OR9Q1: variants seen among roughly 807,000 people sequenced by gnomAD.
OR9Q1 encodes olfactory receptor family 9 subfamily Q member 1.
For missense variants in OR9Q1, 374 were observed against 378.8 expected, an observed-to-expected ratio of 0.99 and a Z score of 0.11; for synonymous variants, 153 against 148.6, an observed-to-expected ratio of 1.03 and a Z score of -0.22.
At chr11:58,076,854 G>A (rs1248139872) in intron 2 of OR9Q1, among the ~76,000 whole-genome samples, 1 of 152,094 alleles carries the variant, frequency 6.6e-6, no homozygotes, top group Non-Finnish European at 1.5e-5. Flanking sequence ...TTACTAAACT[G>A]ACTTTTTCAC....
intron 2 of OR9Q1, among the ~76,000 whole-genome samples, chr11:58,177,588 C>G (rs1045927562): frequency 6.6e-6 from 1 of 152,116 alleles, no homozygotes; most frequent in Non-Finnish European, 1.5e-5. Flanking sequence ...ATGAAGGTAA[C>G]AGCTTTCTGC....
chr11:58,090,512 A>T (rs938909661), intron 2 of OR9Q1, among the ~76,000 whole-genome samples: 1 of 152,160 alleles, frequency 6.6e-6, no homozygotes, highest in Non-Finnish European at 1.5e-5. Flanking sequence ...ATCGTGGTGG[A>T]TAAGCTTTTT....
At chr11:58,118,859 C>T (rs59849756) in intron 2 of OR9Q1, 30 of 1,613,938 alleles carry the variant, frequency 1.9e-5, no homozygotes, top group South Asian at 3.3e-5. Flanking sequence ...ATGACAATCT[C>T]GATGTTTGCT....
Position 58,163,048 on chromosome 11 carries a change from G to A in OR9Q1, c.-14-16383G>A, listed in dbSNP as rs75927863. Among the ~76,000 whole-genome samples, 584 of 152,290 alleles carry A rather than the reference G, an allele frequency of 3.8e-3. 5 individuals are homozygous for A. The highest frequency in any genetic ancestry group is 0.012 in the African/African-American group (499 of 41,554). On this transcript the variant is annotated intron_variant, in intron 2 of 2. Coordinates refer to ENST00000335397, the MANE Select transcript of OR9Q1 (RefSeq NM_001005212.4). The stretch of plus-strand genomic sequence containing the variant: ...ATCAGATAGGCAATAAATACAATAA[G>A]TACATCATATGTTATGTTAGAAGGT...
chr11:58,157,564 G>A (rs1232933832), intron 2 of OR9Q1, among the ~76,000 whole-genome samples: 2 of 152,078 alleles, frequency 1.3e-5, no homozygotes, highest in African/African-American at 2.4e-5. Flanking sequence ...GACAGAGGAA[G>A]GAAGGAAGGA....
At chr11:58,044,720 A>G (rs1853199319) in intron 1 of OR9Q1, 1 of 152,132 alleles carries the variant, frequency 6.6e-6, no homozygotes, top group Non-Finnish European at 1.5e-5. Context: ...TGTTAGGGAA[A>G]CAGTGATAGG....
chr11:58,025,390 C>A (rs1852963160), intron 1 of OR9Q1, among the ~76,000 whole-genome samples: 1 of 152,162 alleles, frequency 6.6e-6, no homozygotes, highest in Admixed American at 6.5e-5. Context: ...TTGGTAGAGA[C>A]GGGGTTTCAC....
chr11:58,176,907 T>C (rs1854611915), intron 2 of OR9Q1, among the ~76,000 whole-genome samples: 1 of 152,048 alleles, frequency 6.6e-6, no homozygotes, highest in Non-Finnish European at 1.5e-5. Flanking sequence ...GGGTGAGAAA[T>C]GACCTTTTAG....
intron 1 of OR9Q1, among the ~76,000 whole-genome samples, chr11:58,026,101 C>T (rs1852970976): frequency 6.6e-6 from 1 of 152,194 alleles, no homozygotes; most frequent in Non-Finnish European, 1.5e-5. Flanking sequence ...CCCTTGAGTA[C>T]TTCTCTATCT....
rs946894747 is a variant in OR9Q1, at chr11:58,053,535, A to G, written c.-92-2335A>G. 1.7e-4 allele frequency among the ~76,000 whole-genome samples: 25 copies of G among 144,620 alleles called. 1 individual carries two copies. Among genetic ancestry groups the G allele is most frequent in the Admixed American group, 1.1e-3 (15 of 14,086 alleles). 94.9% of individuals were successfully genotyped at this position (144,620 alleles called of 152,430 possible). A position where few individuals can be genotyped will look rare whatever the true frequency, so the allele number is the denominator to read the frequency against. On this transcript the variant is annotated intron_variant, in intron 1 of 2. Transcript: ENST00000335397. ...AATGGGTGCAGCACACCAGCATGGCACATGTATACATATGTCACTAACCTG... is the reference window on the plus strand; with the variant it reads ...AATGGGTGCAGCACACCAGCATGGCGCATGTATACATATGTCACTAACCTG...
intron 2 of OR9Q1, among the ~76,000 whole-genome samples, chr11:58,147,196 T>C (rs538344553): frequency 6.6e-6 from 1 of 152,128 alleles, no homozygotes; most frequent in Non-Finnish European, 1.5e-5. Flanking sequence ...TAGGACTGAT[T>C]CTTGGCAAAG....
chr11:58,118,598 G>T (rs764130716), intron 2 of OR9Q1: 1 of 1,613,892 alleles, frequency 6.2e-7, no homozygotes, highest in Non-Finnish European at 8.5e-7. Context: ...TTCAGCATGG[G>T]GATGACCACT....
At chr11:58,127,197 G>T (rs1432762422) in intron 2 of OR9Q1, among the ~76,000 whole-genome samples, 1 of 152,100 alleles carries the variant, frequency 6.6e-6, no homozygotes, top group Non-Finnish European at 1.5e-5. Flanking sequence ...TGATCTGCCC[G>T]CCTCGGCCTC....
intron 2 of OR9Q1, among the ~76,000 whole-genome samples, chr11:58,098,769 C>T (rs1419425803): frequency 6.6e-6 from 1 of 151,918 alleles, no homozygotes; most frequent in Non-Finnish European, 1.5e-5. Flanking sequence ...GGATTTAATT[C>T]GATTTTCTTT....
intron 2 of OR9Q1, among the ~76,000 whole-genome samples, chr11:58,056,349 TC>T (rs1433457072): frequency 6.6e-6 from 1 of 152,206 alleles, no homozygotes; most frequent in Non-Finnish European, 1.5e-5. Context: ...GCAGCTGTCA[TC>T]ATCTCCCTTC....
At chr11:58,114,183 G>A (rs772709589) in intron 2 of OR9Q1, among the ~76,000 whole-genome samples, 1 of 152,120 alleles carries the variant, frequency 6.6e-6, no homozygotes, top group Non-Finnish European at 1.5e-5. Context: ...GGACCTCATA[G>A]GTCCTCCAGG....
chr11:58,123,284 C>A (rs563711731), intron 2 of OR9Q1, among the ~76,000 whole-genome samples: 35 of 152,280 alleles, frequency 2.3e-4, no homozygotes, highest in Middle Eastern at 6.8e-3. Flanking sequence ...AGAAATCTCC[C>A]TGCAGTTAAT....
chr11:58,043,253 T>G (rs1853184124), intron 1 of OR9Q1, among the ~76,000 whole-genome samples: 1 of 152,182 alleles, frequency 6.6e-6, no homozygotes, highest in African/African-American at 2.4e-5. Context: ...GGTGGAAACT[T>G]TCTCTTCAAA....
chr11:58,146,790 C>A (rs1249585579), intron 2 of OR9Q1, among the ~76,000 whole-genome samples: 1 of 152,130 alleles, frequency 6.6e-6, no homozygotes, highest in Non-Finnish European at 1.5e-5. Flanking sequence ...GAAAGAATTG[C>A]AAATGCAAAG....
Sources: allele counts gnomAD v4.1 joint callset (sites outside exome capture counted in the v4.1 genomes callset), GRCh38; gene constraint gnomAD v4.1.1; transcripts MANE v1.5; gene names NCBI Gene and HGNC (gene_info 2026-07-23, HGNC 2026-07-21).